Variants in RIT2 observed in about 807,000 individuals in gnomAD.
RIT2 encodes GTP-binding protein Rit2.
A neutral mutation model predicts 23.7 loss-of-function variants in RIT2; 24 were observed. The observed-to-expected ratio is 1.01, with a 90% CI of 0.73 to 1.43. RIT2 has a LOEUF of 1.43. Ranked by LOEUF, RIT2 falls within the 40% of genes most tolerant of loss-of-function variation. The pLI, the probability that RIT2 is intolerant of heterozygous loss-of-function variation, is 0.00. For missense variants in RIT2, 236 were observed against 266.9 expected (o/e 0.88, Z 0.81); for synonymous variants, 107 against 91.1 (o/e 1.17, Z -0.99).
At chr18:42,877,278 T>C (rs572051353) in intron 4 of RIT2, among the ~76,000 whole-genome samples, 2 of 151,830 alleles carry the variant, frequency 1.3e-5, no homozygotes, top group Non-Finnish European at 2.9e-5. Context: ...GTTTTATTCC[T>C]GCTCTATTTT....
chr18:42,871,643 C>T (rs1322777094), intron 4 of RIT2, among the ~76,000 whole-genome samples: 1 of 152,122 alleles, frequency 6.6e-6, no homozygotes, highest in African/African-American at 2.4e-5. Flanking sequence ...ACACAATCGC[C>T]AAAACTCATT....
At chr18:43,031,434 G>A (rs1911852162) in intron 2 of RIT2, among the ~76,000 whole-genome samples, 1 of 151,810 alleles carries the variant, frequency 6.6e-6, no homozygotes, top group South Asian at 2.1e-4. Context: ...CTGAGTCAGT[G>A]TAATAAAGAA....
At chr18:42,980,680 C>A (rs2144212664) in intron 2 of RIT2, among the ~76,000 whole-genome samples, 1 of 152,188 alleles carries the variant, frequency 6.6e-6, no homozygotes, top group South Asian at 2.1e-4. Context: ...GGAGGCCTTG[C>A]CAAGAACAGA....
intron 2 of RIT2, among the ~76,000 whole-genome samples, chr18:43,005,238 CA>C: frequency 6.6e-6 from 1 of 151,728 alleles, no homozygotes; most frequent in East Asian, 2.0e-4. Context: ...ATTTGATTTT[CA>C]AAGGAAATAT....
Position 42,923,769 on chromosome 18 carries a change from G to GAAA in RIT2, c.235-7_235-6insTTT. ...CGCATGGCTGTGAATTCTGCCTGCA[G>GAAA]GAAAAAAAAAAAAAAATTAGTTATG... On this transcript the variant is annotated splice_polypyrimidine_tract_variant and splice_region_variant and intron_variant, in intron 3 of 4. Transcript: ENST00000326695. 5 of 1,476,764 alleles carry GAAA rather than the reference G, an allele frequency of 3.4e-6. No individual in the cohort carries two copies. The Admixed American group carries it at 7.5e-5, about 22-fold the overall frequency. 91.5% of individuals were successfully genotyped at this position (1,476,764 alleles called of 1,614,324 possible). A position where few individuals can be genotyped will look rare whatever the true frequency, so the allele number is the denominator to read the frequency against.
intron 4 of RIT2, among the ~76,000 whole-genome samples, chr18:42,794,111 T>G (rs1914101659): frequency 6.6e-6 from 1 of 152,198 alleles, no homozygotes; most frequent in Non-Finnish European, 1.5e-5. Context: ...CATTCTATTT[T>G]CCTCCAAGAA....
chr18:42,912,806 A>T (rs1336210954), intron 4 of RIT2, among the ~76,000 whole-genome samples: 2 of 152,128 alleles, frequency 1.3e-5, no homozygotes, highest in South Asian at 2.1e-4. Flanking sequence ...ATATTCATGG[A>T]TTGGAAAACT....
intron 1 of RIT2, among the ~76,000 whole-genome samples, chr18:43,057,909 T>C (rs1912547460): frequency 6.6e-6 from 1 of 151,846 alleles, no homozygotes; most frequent in South Asian, 2.1e-4. Context: ...TTTTGGTGTG[T>C]CTTGCCTGGG....
At chr18:42,902,299 C>T (rs950279694) in intron 4 of RIT2, among the ~76,000 whole-genome samples, 3 of 151,696 alleles carry the variant, frequency 2.0e-5, no homozygotes, top group Middle Eastern at 3.4e-3. Flanking sequence ...TTGCCTATAA[C>T]ATTTTTTTTA....
intron 3 of RIT2, among the ~76,000 whole-genome samples, chr18:42,957,752 C>A (rs904010770): frequency 1.3e-5 from 2 of 151,936 alleles, no homozygotes; most frequent in Non-Finnish European, 2.9e-5. Flanking sequence ...CCACTGCACT[C>A]CAGCCTAGGC....
At chr18:42,870,960 T>G (rs1267030360) in intron 4 of RIT2, among the ~76,000 whole-genome samples, 1 of 152,146 alleles carries the variant, frequency 6.6e-6, no homozygotes, top group African/African-American at 2.4e-5. Flanking sequence ...AACTTTCTCA[T>G]CAACAGAAAC....
At chr18:43,054,734 C>T (rs1245447176) in intron 1 of RIT2, among the ~76,000 whole-genome samples, 4 of 151,978 alleles carry the variant, frequency 2.6e-5, no homozygotes, top group South Asian at 2.1e-4. Flanking sequence ...TAAGGTGATT[C>T]GCCAAAAAAT....
intron 1 of RIT2, among the ~76,000 whole-genome samples, chr18:43,102,080 C>T (rs751402420): frequency 6.6e-6 from 1 of 152,172 alleles, no homozygotes; most frequent in Admixed American, 6.5e-5. Context: ...TTACAGCTTC[C>T]TGACATCAGG....
chr18:42,986,985 G>T (rs953122539), intron 2 of RIT2, among the ~76,000 whole-genome samples: 38 of 152,160 alleles, frequency 2.5e-4, no homozygotes, highest in African/African-American at 9.2e-4. Context: ...AGAGTTTGTG[G>T]TGCTATGAGA....
At chr18:42,883,223 C>G (rs558195847) in intron 4 of RIT2, among the ~76,000 whole-genome samples, 25 of 152,168 alleles carry the variant, frequency 1.6e-4, no homozygotes, top group African/African-American at 5.5e-4. Flanking sequence ...ATTCTAAATG[C>G]TGCACAAAAC....
intron 2 of RIT2, among the ~76,000 whole-genome samples, chr18:43,010,793 G>T (rs1451306989): frequency 1.3e-5 from 2 of 151,738 alleles, no homozygotes; most frequent in African/African-American, 4.8e-5. Context: ...GAAAAAAGTT[G>T]TAAACAGGTA....
intron 3 of RIT2, among the ~76,000 whole-genome samples, chr18:42,969,559 C>T (rs959856560): frequency 1.3e-5 from 2 of 151,868 alleles, no homozygotes; most frequent in Non-Finnish European, 2.9e-5. Flanking sequence ...AGGAACTAAA[C>T]CTAATACCAA....
At chr18:42,946,140 C>A (rs1909722501) in intron 3 of RIT2, among the ~76,000 whole-genome samples, 1 of 151,952 alleles carries the variant, frequency 6.6e-6, no homozygotes, top group Admixed American at 6.6e-5. Flanking sequence ...TATGTAGACC[C>A]TATGAAAAAA....
intron 4 of RIT2, among the ~76,000 whole-genome samples, chr18:42,896,501 T>C (rs1908334289): frequency 6.6e-6 from 1 of 152,136 alleles, no homozygotes; most frequent in Admixed American, 6.5e-5. Context: ...TATTGTTTAA[T>C]GTGAGTGTGG....
Sources: gnomAD v4.1 joint callset for allele counts (sites outside exome capture counted in the v4.1 genomes callset) on GRCh38, gnomAD v4.1.1 for gene constraint, MANE v1.5 for transcripts, NCBI Gene and HGNC (gene_info 2026-07-23, HGNC 2026-07-21) for gene names.